Variants in CTNND2 observed in about 807,000 individuals in gnomAD.
CTNND2 encodes the protein catenin delta-2.
A neutral mutation model predicts 144.4 loss-of-function variants in CTNND2; 22 were observed. That is an observed-to-expected ratio of 0.15 (90% confidence interval 0.11 to 0.22). The LOEUF (loss-of-function observed/expected upper bound fraction) is 0.22, where lower values mean the gene tolerates loss of function less well. CTNND2 is among the 10% of genes least tolerant of loss of function. CTNND2 has a pLI of 1.00. For missense variants in CTNND2, 1,353 were observed against 1,618.8 expected (o/e 0.84, Z 2.82); for synonymous variants, 751 against 695.6 (o/e 1.08, Z -1.25).
Position 11,864,582 on chromosome 5 carries a change from T to G in CTNND2, c.37+39235A>C, listed in dbSNP as rs562999578. On this transcript the variant is annotated intron_variant, in intron 1 of 21. Transcript: ENST00000304623. The stretch of plus-strand genomic sequence containing the variant: ...CCCGCTGCCTTTCCTGGATCCACCA[T>G]CTACCTGTCTGGTGTAAGGCAGGCT... 8.5e-4 allele frequency among the ~76,000 whole-genome samples: 129 copies of G among 152,292 alleles called. No homozygotes were observed. The Middle Eastern group carries it at 0.01, about 12-fold the overall frequency.
chr5:11,361,949 C>T (rs61750690), intron 8 of CTNND2, among the ~76,000 whole-genome samples: 2,836 of 152,296 alleles, frequency 0.019, 44 homozygotes, highest in Admixed American at 0.036. Flanking sequence ...GAAAGACCTC[C>T]ACCTGGTGGT....
At chr5:11,660,880 G>T (rs1435041831) in intron 2 of CTNND2, among the ~76,000 whole-genome samples, 1 of 152,030 alleles carries the variant, frequency 6.6e-6, no homozygotes, top group Admixed American at 6.6e-5. Context: ...ATAATTAAAA[G>T]TAACATTTAA....
At chr5:11,281,575 A>C (rs1028895391) in intron 9 of CTNND2, among the ~76,000 whole-genome samples, 1 of 152,240 alleles carries the variant, frequency 6.6e-6, no homozygotes, top group African/African-American at 2.4e-5. Flanking sequence ...AAAATATCAC[A>C]GACTAGGTGG....
intron 18 of CTNND2, among the ~76,000 whole-genome samples, chr5:11,000,545 A>G (rs1041513513): frequency 6.6e-6 from 1 of 152,220 alleles, no homozygotes; most frequent in Non-Finnish European, 1.5e-5. Context: ...TGTGCACGAC[A>G]TTCAGTTCAG....
At chr5:11,275,234 C>A (rs1746412097) in intron 9 of CTNND2, among the ~76,000 whole-genome samples, 1 of 152,134 alleles carries the variant, frequency 6.6e-6, no homozygotes, top group African/African-American at 2.4e-5. Flanking sequence ...AACTGAGTCA[C>A]AAAGACACAA....
intron 9 of CTNND2, among the ~76,000 whole-genome samples, chr5:11,335,526 A>G (rs1273686561): frequency 6.6e-6 from 1 of 152,178 alleles, no homozygotes; most frequent in Non-Finnish European, 1.5e-5. Context: ...AGAATAAATA[A>G]GGACTTTGAG....
chr5:11,436,232 A>T (rs1561391248), intron 3 of CTNND2, among the ~76,000 whole-genome samples: 1 of 151,870 alleles, frequency 6.6e-6, no homozygotes, highest in Non-Finnish European at 1.5e-5. Flanking sequence ...CATTACAAAG[A>T]CCTTTCTACA....
chr5:11,517,400 T>C (rs1368954071), intron 3 of CTNND2, among the ~76,000 whole-genome samples: 9 of 152,204 alleles, frequency 5.9e-5, no homozygotes, highest in Admixed American at 6.5e-5. Flanking sequence ...CTCTCTACAA[T>C]AGGGTAACAC....
intron 12 of CTNND2, among the ~76,000 whole-genome samples, chr5:11,158,165 G>A (rs1026739855): frequency 5.3e-5 from 8 of 152,166 alleles, no homozygotes. Context: ...AGTTCCTTCT[G>A]CAGTCTTCAC....
At chr5:11,574,165 T>C (rs1777791576) in intron 2 of CTNND2, among the ~76,000 whole-genome samples, 1 of 152,096 alleles carries the variant, frequency 6.6e-6, no homozygotes, top group Non-Finnish European at 1.5e-5. Context: ...TTAGTGATTA[T>C]TATGCTCATA....
chr5:11,858,754 T>C (rs1359079457), intron 1 of CTNND2, among the ~76,000 whole-genome samples: 6 of 151,918 alleles, frequency 3.9e-5, no homozygotes, highest in Non-Finnish European at 8.8e-5. Flanking sequence ...ACGGTGAAAC[T>C]CCGTCTCTAC....
chr5:11,320,963 A>G (rs764393377), intron 9 of CTNND2, among the ~76,000 whole-genome samples: 1 of 152,234 alleles, frequency 6.6e-6, no homozygotes, highest in Non-Finnish European at 1.5e-5. Flanking sequence ...TTTGAATTTG[A>G]TAAACATCAA....
intron 1 of CTNND2, among the ~76,000 whole-genome samples, chr5:11,833,310 G>C (rs900943872): frequency 6.6e-6 from 1 of 152,070 alleles, no homozygotes; most frequent in Non-Finnish European, 1.5e-5. Context: ...AATGTACTGT[G>C]ATGTATGATA....
intron 3 of CTNND2, among the ~76,000 whole-genome samples, chr5:11,506,290 T>A (rs1176998586): frequency 6.6e-6 from 1 of 152,210 alleles, no homozygotes; most frequent in African/African-American, 2.4e-5. Flanking sequence ...TTGGGAAAGT[T>A]ACTTAACTAA....
intron 9 of CTNND2, among the ~76,000 whole-genome samples, chr5:11,250,891 G>C (rs1561095213): frequency 6.6e-6 from 1 of 152,082 alleles, no homozygotes; most frequent in Non-Finnish European, 1.5e-5. Flanking sequence ...ACACCATAAA[G>C]ACTAAGTGGC....
chr5:11,783,160 C>T (rs1388553167), intron 1 of CTNND2, among the ~76,000 whole-genome samples: 1 of 152,114 alleles, frequency 6.6e-6, no homozygotes, highest in Admixed American at 6.5e-5. Flanking sequence ...CTCCCAGGCT[C>T]CCCAGTCACC....
intron 16 of CTNND2, among the ~76,000 whole-genome samples, chr5:11,054,071 A>G (rs1412901228): frequency 6.6e-6 from 1 of 152,246 alleles, no homozygotes. Context: ...GAAAATGCTT[A>G]ATCTCTTTTT....
Position 11,219,706 on chromosome 5 carries a change from G to A in CTNND2, c.1761+16985C>T, listed in dbSNP as rs138113774. Among the ~76,000 whole-genome samples the A allele has an allele frequency of 1.2e-4, 18 of 152,262 alleles. No individual in the cohort carries two copies. The South Asian group carries it at 1.7e-3, about 14-fold the overall frequency. On this transcript the variant is annotated intron_variant, in intron 10 of 21. Transcript: ENST00000304623. Reference sequence around the variant, plus strand: ...GGTCAGAATGATGAAATCTGAAGACGAAGGAAGAGACCACAAGCTAAGGAA... The same window carrying A: ...GGTCAGAATGATGAAATCTGAAGACAAAGGAAGAGACCACAAGCTAAGGAA...
At chr5:11,810,497 T>C (rs1792269168) in intron 1 of CTNND2, among the ~76,000 whole-genome samples, 1 of 152,080 alleles carries the variant, frequency 6.6e-6, no homozygotes, top group South Asian at 2.1e-4. Flanking sequence ...TGCATTGCAT[T>C]AAAAGTTTAA....
Sources: allele counts gnomAD v4.1 joint callset (sites outside exome capture counted in the v4.1 genomes callset), GRCh38; gene constraint gnomAD v4.1.1; transcripts MANE v1.5; gene names NCBI Gene and HGNC (gene_info 2026-07-23, HGNC 2026-07-21).